The following WDR1 variants were observed in gnomAD, a reference collection of about 807,000 sequenced individuals.
WDR1 encodes the protein WD repeat domain 1.
In WDR1, 21 loss-of-function variants were observed where a neutral mutation model predicts 71.9. The observed-to-expected ratio is 0.29, with a 90% CI of 0.21 to 0.42. The LOEUF is 0.42. Among genes scored for constraint, WDR1 ranks in the 10% least tolerant of loss-of-function variants. The pLI is 1.00. For synonymous variants in WDR1, 424 were observed against 347.4 expected (o/e 1.22, Z -2.45); for missense variants, 696 against 824.5 (o/e 0.84, Z 1.91).
chr4:10,110,938 G>C (rs1320720653), intron 2 of WDR1, among the ~76,000 whole-genome samples: 1 of 152,218 alleles, frequency 6.6e-6, no homozygotes, highest in African/African-American at 2.4e-5. Context: ...TTTTAATCCT[G>C]GTCCTCTGTG....
rs538841425 is a variant in WDR1, at chr4:10,074,464, A to C, written c.*914T>G. The C allele has an allele frequency of 6.5e-6, 1 of 152,754 alleles. No individual in the cohort carries two copies. Among genetic ancestry groups the C allele is most frequent in the South Asian group, 2.1e-4 (1 of 4,832 alleles). 9.5% of individuals were successfully genotyped at this position (152,754 alleles called of 1,614,324 possible). The stretch of plus-strand genomic sequence containing the variant: ...ACCAGTGATTCCGACACACGCAAAA[A>C]CACTCCCAATCACGGTGCTTTATAC... On this transcript the variant is annotated 3_prime_UTR_variant, in exon 15 of 15. Transcript: ENST00000499869.
chr4:10,106,121 G>T (rs1252498710), intron 2 of WDR1, among the ~76,000 whole-genome samples: 1 of 151,620 alleles, frequency 6.6e-6, no homozygotes, highest in African/African-American at 2.4e-5. Flanking sequence ...GGTGGCGGGG[G>T]CGGGGGGCAC....
At chr4:10,111,852 G>A (rs1005998630) in intron 2 of WDR1, among the ~76,000 whole-genome samples, 19 of 147,522 alleles carry the variant, frequency 1.3e-4, no homozygotes, top group African/African-American at 2.8e-4. Context: ...CTGATACTGC[G>A]CCTGGGTTCC....
intron 9 of WDR1, among the ~76,000 whole-genome samples, chr4:10,083,835 A>C (rs1173475232): frequency 6.6e-6 from 1 of 152,192 alleles, no homozygotes; most frequent in Non-Finnish European, 1.5e-5. Context: ...ATCAGGGAGA[A>C]ACCAGGACTC....
chr4:10,102,099 G>A (rs1712714940), intron 3 of WDR1, among the ~76,000 whole-genome samples: 1 of 152,218 alleles, frequency 6.6e-6, no homozygotes, highest in African/African-American at 2.4e-5. Context: ...AGCTCACCCA[G>A]CCGCCTGGCT....
In WDR1 at chr4:10,104,816, C is replaced by G. The variant is rs1270941798; in HGVS notation, c.139-830G>C. The stretch of plus-strand genomic sequence containing the variant: ...TCTGCTACCTACTGTCAGCTTTTTA[C>G]AAACCAAGTGCTCTTTGAAAGAGGC... On this transcript the variant is annotated intron_variant, in intron 2 of 14. Transcript: ENST00000499869. Among the ~76,000 whole-genome samples the G allele has an allele frequency of 2.0e-5, 3 of 152,298 alleles. No individual in the cohort carries two copies. In the East Asian group the frequency reaches 5.8e-4, roughly 29 times the overall value.
At chr4:10,093,909 C>G (rs1007420256) in intron 5 of WDR1, among the ~76,000 whole-genome samples, 1 of 152,246 alleles carries the variant, frequency 6.6e-6, no homozygotes, top group African/African-American at 2.4e-5. Context: ...GAAACCTTGC[C>G]TGTTTTGAGC....
exon 1 of WDR1, chr4:10,116,785 TGCCGGGAGTGGAGTGGGCGGTCCGAG>T (rs1007739667): frequency 4.2e-6 from 5 of 1,177,350 alleles, no homozygotes; most frequent in African/African-American, 8.1e-5. Flanking sequence ...GCACCGGGCG[TGCCGGGAGTGGAGTGGGCGGTCCGAG>T]GCCGGGGCTC....
rs1474291730 is a variant in WDR1, at chr4:10,074,398, T to C, written c.*980A>G. 6.6e-6 allele frequency: 1 copy of C among 152,622 alleles called. No individual in the cohort carries two copies. The highest frequency in any genetic ancestry group is 1.9e-4 in the East Asian group (1 of 5,204). The allele number at this position is 152,622 out of a possible 1,614,324, so 9.5% of individuals were successfully genotyped here. A position where few individuals can be genotyped will look rare whatever the true frequency, so the allele number is the denominator to read the frequency against. On this transcript the variant is annotated 3_prime_UTR_variant, in exon 15 of 15. Transcript: ENST00000499869. ...AATCTCTTAAAGCGCTCAAAGTGTT[T>C]TCACAAGTGCAAGGGGAGGGATTGT... is the stretch of plus-strand genomic sequence containing the variant.
chr4:10,108,724 G>C (rs979619357), intron 2 of WDR1, among the ~76,000 whole-genome samples: 1 of 152,230 alleles, frequency 6.6e-6, no homozygotes, highest in Non-Finnish European at 1.5e-5. Flanking sequence ...TCCAAAGCAG[G>C]AATGTAAACT....
At chr4:10,105,336 GA>G (rs34635627) in intron 2 of WDR1, among the ~76,000 whole-genome samples, 1 of 151,984 alleles carries the variant, frequency 6.6e-6, no homozygotes, top group African/African-American at 2.4e-5. Flanking sequence ...GTTTGGGGGA[GA>G]AAAAAAGAAG....
chr4:10,100,054 T>G (rs1213894353), intron 3 of WDR1, among the ~76,000 whole-genome samples: 2 of 152,150 alleles, frequency 1.3e-5, no homozygotes, highest in Non-Finnish European at 2.9e-5. Flanking sequence ...CTAGACTAAC[T>G]CTCAAGGCTT....
intron 3 of WDR1, among the ~76,000 whole-genome samples, chr4:10,103,263 CACAT>C (rs1403530311): frequency 2.4e-5 from 2 of 83,468 alleles, no homozygotes; most frequent in Admixed American, 1.4e-4. Context: ...CATCCATTCA[CACAT>C]ACACACACAC....
At chr4:10,105,104 C>T (rs1469537100) in intron 2 of WDR1, among the ~76,000 whole-genome samples, 1 of 152,184 alleles carries the variant, frequency 6.6e-6, no homozygotes, top group African/African-American at 2.4e-5. Flanking sequence ...CTACGGACAC[C>T]CACTCACCCA....
intron 3 of WDR1, among the ~76,000 whole-genome samples, chr4:10,102,443 A>G (rs1219514985): frequency 6.6e-6 from 1 of 152,230 alleles, no homozygotes; most frequent in Admixed American, 6.5e-5. Flanking sequence ...GTATTATGAC[A>G]TGAGCAGCTT....
chr4:10,078,250 C>A (rs1380267449), intron 12 of WDR1, among the ~76,000 whole-genome samples: 2 of 152,178 alleles, frequency 1.3e-5, no homozygotes, highest in East Asian at 1.9e-4. Context: ...CAGCCCCTAG[C>A]ATGGAGGGCA....
At chr4:10,110,807 T>C (rs1713303949) in intron 2 of WDR1, among the ~76,000 whole-genome samples, 1 of 152,232 alleles carries the variant, frequency 6.6e-6, no homozygotes, top group South Asian at 2.1e-4. Context: ...ATGTACCTTG[T>C]CGGATGTTTG....
Position 10,099,066 on chromosome 4 carries a change from G to T in WDR1, c.303C>A (p.Phe101Leu). ...AAGCAATGTCTTTGATCTTCCCAGCGAAAGGCTGGTACTCATACTTCAACA... is the reference window on the plus strand; with the variant it reads ...AAGCAATGTCTTTGATCTTCCCAGCTAAAGGCTGGTACTCATACTTCAACA... ...EHLLKYEYQP[F>L]AGKIKDIAWT... The change falls in exon 4 of 15, where the codon TTC becomes TTA. Residue 101 changes from phenylalanine to leucine, a missense_variant. By Grantham distance (22) the Phe-to-Leu change is conservative (BLOSUM62 0). Coordinates refer to ENST00000499869, the MANE Select transcript of WDR1 (RefSeq NM_017491.5). 1.2e-6 allele frequency: 2 copies of T among 1,611,912 alleles called. No homozygotes were observed. Among genetic ancestry groups the T allele is most frequent in the Non-Finnish European group, 8.5e-7 (1 of 1,178,878 alleles).
chr4:10,095,031 C>T (rs1320106986), intron 5 of WDR1: 1 of 152,410 alleles, frequency 6.6e-6, no homozygotes, highest in Non-Finnish European at 1.5e-5. Context: ...CGCTGCACCC[C>T]CAAGCTCAGG....
Sources: gnomAD v4.1 joint callset for allele counts (sites outside exome capture counted in the v4.1 genomes callset) on GRCh38, gnomAD v4.1.1 for gene constraint, MANE v1.5 for transcripts, NCBI Gene and HGNC (gene_info 2026-07-23, HGNC 2026-07-21) for gene names.